Variants in SIN3A observed in about 807,000 individuals in gnomAD.
The protein encoded by SIN3A is paired amphipathic helix protein Sin3a.
A neutral mutation model predicts 146.1 loss-of-function variants in SIN3A; 14 were observed. The observed-to-expected ratio is 0.10, with a 90% confidence interval of 0.06 to 0.15. The LOEUF (loss-of-function observed/expected upper bound fraction) is 0.15. Among genes scored for constraint, SIN3A ranks in the 10% least tolerant of loss-of-function variants. SIN3A has a pLI of 1.00. For synonymous variants in SIN3A, 572 were observed against 572.0 expected (o/e 1.00, Z 0.00); for missense variants, 1,028 against 1,576.0 (o/e 0.65, Z 5.89).
rs1268587847 is a variant in SIN3A at position 75,371,997 on chromosome 15, T to G, written c.3804A>C (p.Thr1268=). Residue 1268 remains threonine (T), a synonymous_variant, in exon 21 of 21, where the codon ACA becomes ACC. Transcript: ENST00000394947. ...TTTGCAGTTAAGGGGCTTTGAATAC[T>G]GTGCCGTATTTGACACGATACTTGT... is the stretch of plus-strand genomic sequence containing the variant. ...SINKYRVKYG[T]VFKAP 1 of 1,614,096 alleles carries G rather than the reference T, an allele frequency of 6.2e-7. No individual in the cohort carries two copies. The highest frequency in any genetic ancestry group is 8.5e-7 in the Non-Finnish European group (1 of 1,180,012).
intron 19 of SIN3A, chr15:75,376,107 A>G (rs2072850668): frequency 1.8e-6 from 1 of 570,076 alleles, no homozygotes; most frequent in Non-Finnish European, 3.1e-6. Context: ...GTAGCCAGTT[A>G]AGAGTTTTAA....
intron 8 of SIN3A, among the ~76,000 whole-genome samples, chr15:75,408,295 G>GA (rs1218627562): frequency 1.3e-5 from 2 of 152,178 alleles, no homozygotes; most frequent in Non-Finnish European, 2.9e-5. Flanking sequence ...TGAAGAAATA[G>GA]AAACCATTAT....
chr15:75,443,195 A>G (rs2074247630), intron 1 of SIN3A, among the ~76,000 whole-genome samples: 1 of 152,186 alleles, frequency 6.6e-6, no homozygotes, highest in African/African-American at 2.4e-5. Context: ...GTCACACAGC[A>G]TTCATCTACT....
At chr15:75,403,892 GT>G in intron 9 of SIN3A, among the ~76,000 whole-genome samples, 1 of 152,288 alleles carries the variant, frequency 6.6e-6, no homozygotes, top group African/African-American at 2.4e-5. Context: ...TGCCAAGGCT[GT>G]TTTAAACTCT....
intron 18 of SIN3A, chr15:75,380,949 A>G: frequency 2.2e-6 from 1 of 448,836 alleles, no homozygotes; most frequent in South Asian, 2.7e-5. Flanking sequence ...TAAGGTTATG[A>G]GAAGTCATAA....
chr15:75,435,496 G>C (rs533388456), intron 1 of SIN3A, among the ~76,000 whole-genome samples: 4 of 151,874 alleles, frequency 2.6e-5, no homozygotes, highest in African/African-American at 9.7e-5. Flanking sequence ...TTGGGAGTTC[G>C]AGACCAACCT....
At chr15:75,440,305 A>G (rs2074184934) in intron 1 of SIN3A, among the ~76,000 whole-genome samples, 1 of 150,520 alleles carries the variant, frequency 6.6e-6, no homozygotes, top group Admixed American at 6.6e-5. Context: ...ATCTCAACTC[A>G]CTGCAACCTC....
rs754575935 is a variant in SIN3A at position 75,411,542 on chromosome 15, C to T, written c.958G>A (p.Gly320Ser). The change falls in exon 6 of 21, where the codon GGC (glycine) becomes AGC (serine). Residue 320 changes from glycine (G) to serine (S), a missense_variant. By Grantham distance (56) the Gly-to-Ser change is moderately conservative (BLOSUM62 0). This residue lies in a region of SIN3A where 14 missense variants were observed against 54.4 expected (regional missense o/e 0.26). Transcript: ENST00000394947. ...AATGCTTTGTAGATGTCTGGTTGGC[C>T]CTGAAATCTGTTCTTGATCTTATTA... is the stretch of plus-strand genomic sequence containing the variant. The part of the protein sequence containing the change: ...YVNKIKNRFQ[G>S]QPDIYKAFLE... The T allele has an allele frequency of 6.2e-7, 1 of 1,613,978 alleles. No homozygotes were observed. The highest frequency in any genetic ancestry group is 8.5e-7 in the Non-Finnish European group (1 of 1,179,992).
rs183813907 is a variant in SIN3A at position 75,405,228 on chromosome 15, G to A, written c.1407+1827C>T. Among the ~76,000 whole-genome samples the A allele has an allele frequency of 2.3e-3, 346 of 151,370 alleles. 1 individual carries two copies. The highest frequency in any genetic ancestry group is 7.9e-3 in the African/African-American group (327 of 41,276). ...CTAAAAATATAAACATTAGCCAGGC[G>A]TTGTGGCGGGGCCTGTAATCCTAGC... is the stretch of plus-strand genomic sequence containing the variant. On this transcript the variant is annotated intron_variant, in intron 9 of 20. Transcript: ENST00000394947.
chr15:75,406,257 A>T (rs1165506067), intron 9 of SIN3A, among the ~76,000 whole-genome samples: 1 of 152,218 alleles, frequency 6.6e-6, no homozygotes, highest in Admixed American at 6.5e-5. Flanking sequence ...GCACCACACA[A>T]CATCATTTAT....
intron 19 of SIN3A, among the ~76,000 whole-genome samples, chr15:75,377,845 G>A (rs1363018349): frequency 6.6e-6 from 1 of 152,150 alleles, no homozygotes; most frequent in Admixed American, 6.6e-5. Context: ...AAGAACAACT[G>A]ACTAAATATA....
chr15:75,376,004 T>G (rs2072848583), intron 19 of SIN3A, 132 bp from the exon 20 acceptor site: 4 of 876,942 alleles, frequency 4.6e-6, no homozygotes, highest in Non-Finnish European at 7.1e-6. Flanking sequence ...ACACAAATGT[T>G]CAGTTGTTTC....
At chr15:75,429,279 G>C (rs112457427) in intron 2 of SIN3A, among the ~76,000 whole-genome samples, 10 of 152,084 alleles carry the variant, frequency 6.6e-5, no homozygotes, top group Non-Finnish European at 1.2e-4. Flanking sequence ...AAATTAGCCA[G>C]GCATGGTGGT....
In SIN3A at chr15:75,422,723, T is replaced by A; in HGVS notation, c.290A>T (p.Gln97Leu). The A allele has an allele frequency of 6.2e-7, 1 of 1,614,234 alleles. No individual in the cohort carries two copies. The highest frequency in any genetic ancestry group is 8.5e-7 in the Non-Finnish European group (1 of 1,180,046). Residue 97 changes from glutamine to leucine, a missense_variant, in exon 3 of 21, where the codon CAG becomes CTG. Around this residue, in one of 9 missense-constraint regions of SIN3A, gnomAD observed 152 missense variants for 231.5 expected, o/e 0.66. Transcript: ENST00000394947. The stretch of plus-strand genomic sequence containing the variant: ...TGGATGAGCATGACTCTGGACCACC[T>A]GGCCTCCGTGGGGCTGCACCGCTGT... ...HPTAVQPHGG[Q>L]VVQSHAHPAP...
chr15:75,455,372 C>T (rs1567449080), upstream of SIN3A, among the ~76,000 whole-genome samples: 1 of 152,202 alleles, frequency 6.6e-6, no homozygotes, highest in Non-Finnish European at 1.5e-5. Context: ...TGTGCGGAAT[C>T]CCCCTTTTCT....
chr15:75,417,443 T>A (rs2073761070), intron 3 of SIN3A, among the ~76,000 whole-genome samples: 1 of 151,648 alleles, frequency 6.6e-6, no homozygotes, highest in South Asian at 2.1e-4. Context: ...TGGCGCAATC[T>A]CGGGTCACTG....
intron 8 of SIN3A, among the ~76,000 whole-genome samples, chr15:75,408,748 T>C (rs1179038731): frequency 6.6e-6 from 1 of 152,216 alleles, no homozygotes; most frequent in Non-Finnish European, 1.5e-5. Context: ...ACATAAGATC[T>C]GGTAACCCAA....
At chr15:75,440,982 CAAA>C (rs769091157) in intron 1 of SIN3A, among the ~76,000 whole-genome samples, 1 of 71,578 alleles carries the variant, frequency 1.4e-5, no homozygotes. Flanking sequence ...GACTCTGTCT[CAAA>C]AAAAAAAAAA....
At chr15:75,376,000 A>C in intron 19 of SIN3A, 128 bp from the exon 20 acceptor site, 1 of 912,164 alleles carries the variant, frequency 1.1e-6, no homozygotes, top group Non-Finnish European at 1.7e-6. Flanking sequence ...ACATACACAA[A>C]TGTTCAGTTG....
Sources: allele counts gnomAD v4.1 joint callset (sites outside exome capture counted in the v4.1 genomes callset), GRCh38; gene constraint gnomAD v4.1.1; regional missense constraint gnomAD v4.1.1; transcripts MANE v1.5; gene names NCBI Gene and HGNC (gene_info 2026-07-23, HGNC 2026-07-21).